The following PIERCE2 variants were observed in gnomAD, a reference collection of about 807,000 sequenced individuals.
The protein encoded by PIERCE2 is piercer of microtubule wall 2 protein.
chr15:55,412,006 G>T, the PIERCE2 span, among the ~76,000 whole-genome samples: 1 of 146,230 alleles, frequency 6.8e-6, no homozygotes, highest in Non-Finnish European at 1.5e-5. Flanking sequence ...CAGGAGAATT[G>T]CTTGAACCCA....
chr15:55,418,089 G>A, the PIERCE2 span: 1 of 1,578,056 alleles, frequency 6.3e-7, no homozygotes. Flanking sequence ...GGCTTAGCTT[G>A]GGCTCAGAGG....
At chr15:55,408,802 G>C in the PIERCE2 span, 1 of 1,513,302 alleles carries the variant, frequency 6.6e-7, no homozygotes, top group Non-Finnish European at 8.8e-7. Flanking sequence ...TTTAGGCAGA[G>C]GGCTAGATGT....
chr15:55,408,611 T>C, the PIERCE2 span: 1 of 428,994 alleles, frequency 2.3e-6, no homozygotes, highest in Admixed American at 4.3e-5. Context: ...ATTAAACGGA[T>C]AGGTTTACAC....
the PIERCE2 span, chr15:55,418,429 T>G: frequency 2.6e-6 from 4 of 1,526,354 alleles, no homozygotes; most frequent in Non-Finnish European, 3.5e-6. Flanking sequence ...TTCCACAGTT[T>G]TTCCCCTGCA....
chr15:55,413,285 A>G, the PIERCE2 span, among the ~76,000 whole-genome samples: 1 of 149,970 alleles, frequency 6.7e-6, no homozygotes, highest in Non-Finnish European at 1.5e-5. Context: ...AAAAAAAATT[A>G]TAAAAATTAG....
At chr15:55,408,623 T>C in the PIERCE2 span, 1 of 594,176 alleles carries the variant, frequency 1.7e-6, no homozygotes, top group Non-Finnish European at 3.0e-6. Flanking sequence ...GGTTTACACA[T>C]ACTGATCCAC....
At chr15:55,415,193 C>A in the PIERCE2 span, among the ~76,000 whole-genome samples, 17 of 152,154 alleles carry the variant, frequency 1.1e-4, 1 homozygote, top group African/African-American at 4.1e-4. Context: ...CTTGGCCGGG[C>A]GTGGTGGCTC....
At chr15:55,414,834 C>A in the PIERCE2 span, among the ~76,000 whole-genome samples, 1 of 151,842 alleles carries the variant, frequency 6.6e-6, no homozygotes, top group Admixed American at 6.6e-5. Context: ...GCCGAGATGG[C>A]GCCACTACAC....
chr15:55,417,019 C>T, the PIERCE2 span, among the ~76,000 whole-genome samples: 1 of 135,660 alleles, frequency 7.4e-6, no homozygotes, highest in Admixed American at 8.2e-5. Flanking sequence ...TCCATGCTAC[C>T]ACCTACTATA....
chr15:55,416,056 T>C, the PIERCE2 span, among the ~76,000 whole-genome samples: 1 of 152,138 alleles, frequency 6.6e-6, no homozygotes, highest in Non-Finnish European at 1.5e-5. Context: ...TGACATTTTT[T>C]AGAGTTTTTC....
chr15:55,416,161 G>A, the PIERCE2 span, among the ~76,000 whole-genome samples: 4 of 151,990 alleles, frequency 2.6e-5, no homozygotes, highest in Non-Finnish European at 4.4e-5. Flanking sequence ...GTGCAGTGGC[G>A]TGATCTTGGC....
chr15:55,410,210 A>G, the PIERCE2 span, among the ~76,000 whole-genome samples: 2 of 152,210 alleles, frequency 1.3e-5, no homozygotes, highest in Non-Finnish European at 2.9e-5. Flanking sequence ...ATTTTATGGT[A>G]CTAATTATGC....
the PIERCE2 span, among the ~76,000 whole-genome samples, chr15:55,414,645 G>A: frequency 6.6e-6 from 1 of 152,032 alleles, no homozygotes; most frequent in South Asian, 2.1e-4. Context: ...TTTGGAGGTT[G>A]AGGCGGGTGG....
chr15:55,418,123 G>T, the PIERCE2 span: 1 of 1,580,028 alleles, frequency 6.3e-7, no homozygotes, highest in Non-Finnish European at 8.5e-7. Context: ...GCCCTCAAGA[G>T]AACAGAATTC....
chr15:55,411,005 A>G, the PIERCE2 span: 1 of 152,264 alleles, frequency 6.6e-6, no homozygotes, highest in Non-Finnish European at 1.5e-5. Context: ...AACATTGATG[A>G]CACTCAGTGA....
At chr15:55,418,009 ACTT>A in the PIERCE2 span, 1 of 911,630 alleles carries the variant, frequency 1.1e-6, no homozygotes, top group Non-Finnish European at 1.6e-6. Context: ...GGCCATTTTC[ACTT>A]CTTTTGTGAT....
At chr15:55,408,576 T>C in the PIERCE2 span, 9 of 406,910 alleles carry the variant, frequency 2.2e-5, no homozygotes, top group Non-Finnish European at 3.9e-5. Context: ...AATTCGTGGT[T>C]TCACCCGGGA....
At chr15:55,417,553 T>G in the PIERCE2 span, 1 of 152,242 alleles carries the variant, frequency 6.6e-6, no homozygotes, top group Non-Finnish European at 1.5e-5. Context: ...CACTCTAAAA[T>G]CAAGCTGTAC....
At chr15:55,415,473 A>G in the PIERCE2 span, among the ~76,000 whole-genome samples, 1 of 151,504 alleles carries the variant, frequency 6.6e-6, no homozygotes, top group Non-Finnish European at 1.5e-5. Context: ...AAAAAAAAAA[A>G]AGAGGGAAGG....
Sources: gnomAD v4.1 joint callset for allele counts (sites outside exome capture counted in the v4.1 genomes callset) on GRCh38, gnomAD v4.1.1 for gene constraint, MANE v1.5 for transcripts, NCBI Gene and HGNC (gene_info 2026-07-23, HGNC 2026-07-21) for gene names.